The following SULF2 variants were observed in gnomAD, a reference collection of about 807,000 sequenced individuals.
The protein encoded by SULF2 is extracellular sulfatase Sulf-2.
A neutral mutation model predicts 107.7 loss-of-function variants in SULF2; 52 were observed. The observed-to-expected ratio is 0.48, with a 90% CI of 0.39 to 0.61. The LOEUF (loss-of-function observed/expected upper bound fraction) is 0.61. SULF2 is among the 20% of genes least tolerant of loss of function. The pLI is 0.00. For synonymous variants in SULF2, 460 were observed against 464.3 expected (o/e 0.99, Z 0.12); for missense variants, 993 against 1,177.3 (o/e 0.84, Z 2.29).
chr20:47,670,892 AAAC>A (rs1243152661), intron 11 of SULF2, among the ~76,000 whole-genome samples: 1 of 151,998 alleles, frequency 6.6e-6, no homozygotes, highest in Non-Finnish European at 1.5e-5. Flanking sequence ...TTTTTTTTAA[AAAC>A]AACACCTAAA....
intron 2 of SULF2, among the ~76,000 whole-genome samples, chr20:47,738,928 T>A (rs571585814): frequency 3.0e-4 from 46 of 152,220 alleles, no homozygotes; most frequent in Admixed American, 8.5e-4. Context: ...CTAAATCCAG[T>A]GACAAGTGTC....
intron 10 of SULF2, 126 bp from the exon 11 acceptor site, chr20:47,672,519 C>CA (rs1047873407): frequency 1.4e-6 from 2 of 1,437,480 alleles, no homozygotes; most frequent in Non-Finnish European, 9.1e-7. Flanking sequence ...TACCGAGCCC[C>CA]ACCTCTGCTA....
intron 5 of SULF2, among the ~76,000 whole-genome samples, chr20:47,688,357 T>C (rs527486552): frequency 3.9e-5 from 6 of 152,330 alleles, no homozygotes; most frequent in African/African-American, 1.2e-4. Context: ...AGGGGGCTTC[T>C]CCACATAAGA....
intron 2 of SULF2, among the ~76,000 whole-genome samples, chr20:47,747,762 C>T (rs1035593146): frequency 2.0e-5 from 3 of 152,022 alleles, no homozygotes; most frequent in African/African-American, 7.2e-5. Context: ...CCTGCCCCCG[C>T]CTTCCCATCT....
At chr20:47,664,250 T>G (rs1602583032) in intron 14 of SULF2, 61 bp from the exon 15 acceptor site, 1 of 1,528,012 alleles carries the variant, frequency 6.5e-7, no homozygotes, top group African/African-American at 1.4e-5. Flanking sequence ...CGCTGGCAGG[T>G]GCAAGCTGTG....
chr20:47,659,814 C>G, intron 18 of SULF2, 84 bp from the exon 19 acceptor site: 1 of 1,062,552 alleles, frequency 9.4e-7, no homozygotes, highest in Non-Finnish European at 1.4e-6. Flanking sequence ...CCATCTTATG[C>G]TTTTTTGTCA....
At chr20:47,662,324 T>C (rs769276484) in intron 17 of SULF2, among the ~76,000 whole-genome samples, 2 of 152,134 alleles carry the variant, frequency 1.3e-5, no homozygotes, top group African/African-American at 2.4e-5. Context: ...GTCTGGGAGC[T>C]ACCGGTGAGG....
chr20:47,659,674 G>C (rs779784375), intron 19 of SULF2, 23 bp downstream of exon 19: 2 of 1,601,468 alleles, frequency 1.2e-6, no homozygotes, highest in East Asian at 4.5e-5. Flanking sequence ...CTTTGTTTAG[G>C]CTTTAATAAT....
intron 3 of SULF2, among the ~76,000 whole-genome samples, chr20:47,709,844 T>C (rs892664735): frequency 6.7e-6 from 1 of 149,936 alleles, no homozygotes; most frequent in Non-Finnish European, 1.5e-5. Flanking sequence ...ATACAAGAGA[T>C]AGAGAGATAG....
At chr20:47,752,339 A>G (rs2146879581) in intron 2 of SULF2, among the ~76,000 whole-genome samples, 1 of 152,308 alleles carries the variant, frequency 6.6e-6, no homozygotes, top group African/African-American at 2.4e-5. Flanking sequence ...AATCTTTCCC[A>G]AGGACACATG....
intron 2 of SULF2, among the ~76,000 whole-genome samples, chr20:47,747,955 C>A (rs1432562409): frequency 6.6e-6 from 1 of 152,214 alleles, no homozygotes; most frequent in African/African-American, 2.4e-5. Flanking sequence ...GTACCACCAG[C>A]ATCTCCCACC....
intron 18 of SULF2, among the ~76,000 whole-genome samples, chr20:47,661,026 A>G (rs539994141): frequency 6.6e-6 from 1 of 152,188 alleles, no homozygotes; most frequent in African/African-American, 2.4e-5. Flanking sequence ...ATAAAGTCCC[A>G]TTCTCCACCT....
At chr20:47,687,070 A>G (rs2088030046) in intron 5 of SULF2, among the ~76,000 whole-genome samples, 1 of 152,186 alleles carries the variant, frequency 6.6e-6, no homozygotes, top group Non-Finnish European at 1.5e-5. Context: ...CCGCAGGCCC[A>G]AGGGCCCGGA....
rs1275231880 is a variant in SULF2, at chr20:47,665,211, C to T, written c.1985G>A (p.Cys662Tyr). 6.2e-7 allele frequency: 1 copy of T among 1,613,454 alleles called. No homozygotes were observed. The highest frequency in any genetic ancestry group is 1.1e-5 in the South Asian group (1 of 91,076). ...LKKKRPEECD[C>Y]HKISYHTQHK... is the part of the protein sequence containing the mutation. The stretch of plus-strand genomic sequence containing the variant: ...GCTACTGCCTCACCTGATTTTGTGA[C>T]AGTCACATTCTTCTGGCCGCTTTTT... Residue 662 changes from cysteine to tyrosine, a missense_variant, in exon 14 of 21, where the codon TGT becomes TAT. Coordinates refer to ENST00000688720, the MANE Select transcript of SULF2 (RefSeq NM_001387048.1).
rs768038774 is a variant in SULF2 at position 47,665,172 on chromosome 20, AG to A, written c.1997+26del. On this transcript the variant is annotated intron_variant, in intron 14 of 20. Transcript: ENST00000688720. Reference sequence around the variant, plus strand: ...CTGTCCTGTAGGAGAGTGGGGTCTTAGGGAGGTCCCTTTGCTACTGCCTCAC... The same window carrying A: ...CTGTCCTGTAGGAGAGTGGGGTCTTAGGAGGTCCCTTTGCTACTGCCTCAC... The A allele has an allele frequency of 2.3e-5, 35 of 1,494,928 alleles. No individual in the cohort carries two copies. The Admixed American group carries it at 5.0e-4, about 21-fold the overall frequency. The allele number at this position is 1,494,928 out of a possible 1,614,324, so 92.6% of individuals were successfully genotyped here.
At chr20:47,704,999 C>A (rs1034420253) in intron 3 of SULF2, among the ~76,000 whole-genome samples, 3 of 152,186 alleles carry the variant, frequency 2.0e-5, no homozygotes, top group Non-Finnish European at 4.4e-5. Flanking sequence ...CCCTCTGCAG[C>A]GGTTTTCCTG....
intron 4 of SULF2, among the ~76,000 whole-genome samples, chr20:47,693,591 C>T (rs141775787): frequency 1.2e-3 from 184 of 152,300 alleles, no homozygotes; most frequent in African/African-American, 4.2e-3. Context: ...AATGTTATAT[C>T]GGGTGAGAAA....
At position 47,718,188 on chromosome 20, in the gene SULF2, G is replaced by T. The variant is rs183807616; in HGVS notation, c.416-15518C>A. Among the ~76,000 whole-genome samples, 771 of 152,172 alleles carry T rather than the reference G, an allele frequency of 5.1e-3. 10 individuals are homozygous for T. The highest frequency in any genetic ancestry group is 0.017 in the African/African-American group (725 of 41,506). On this transcript the variant is annotated intron_variant, in intron 3 of 20. Transcript: ENST00000688720. ...GCATGGGCTCTGGAGCCAACAGCTT[G>T]CATTTAAGTTCAGCTACCTCTGCCT...
chr20:47,783,851 G>A (rs184957634), intron 1 of SULF2, among the ~76,000 whole-genome samples: 2 of 152,198 alleles, frequency 1.3e-5, no homozygotes, highest in Non-Finnish European at 2.9e-5. Flanking sequence ...CATCCGACAG[G>A]CTGTCTGGAT....
Sources: gnomAD v4.1 joint callset for allele counts (sites outside exome capture counted in the v4.1 genomes callset) on GRCh38, gnomAD v4.1.1 for gene constraint, MANE v1.5 for transcripts, NCBI Gene and HGNC (gene_info 2026-07-23, HGNC 2026-07-21) for gene names.